Variants in NRXN3 observed in about 807,000 individuals in gnomAD.
NRXN3 encodes the protein neurexin III.
NRXN3 carries 32 observed loss-of-function variants against 137.6 expected under a neutral mutation model. That is an observed-to-expected ratio of 0.23 (90% confidence interval 0.18 to 0.31). The LOEUF (loss-of-function observed/expected upper bound fraction) is 0.31. NRXN3 is among the 10% of genes least tolerant of loss of function. The pLI is 1.00. For missense variants in NRXN3, 1,574 were observed against 2,062.5 expected (o/e 0.76, Z 4.59); for synonymous variants, 798 against 784.5 (o/e 1.02, Z -0.29).
At chr14:78,226,390 T>A (rs2064674183) in intron 1 of NRXN3, among the ~76,000 whole-genome samples, 1 of 152,152 alleles carries the variant, frequency 6.6e-6, no homozygotes. Flanking sequence ...ACCGCTTAAC[T>A]CCCTCTTGTC....
chr14:79,225,633 CT>C (rs2070721063), intron 15 of NRXN3, among the ~76,000 whole-genome samples: 2 of 152,180 alleles, frequency 1.3e-5, no homozygotes, highest in South Asian at 4.2e-4. Context: ...TTTTTACCCC[CT>C]GAAAGACATC....
At chr14:79,019,243 A>G (rs2099584737) in intron 15 of NRXN3, among the ~76,000 whole-genome samples, 1 of 152,206 alleles carries the variant, frequency 6.6e-6, no homozygotes. Context: ...AGATGAGGAT[A>G]TGCATAGAAG....
At chr14:78,267,537 T>TA (rs940281178) in intron 2 of NRXN3, among the ~76,000 whole-genome samples, 147 of 151,518 alleles carry the variant, frequency 9.7e-4, no homozygotes, top group Admixed American at 1.3e-3. Flanking sequence ...TACCAAAAGA[T>TA]AAAAAAAAAT....
intron 20 of NRXN3, among the ~76,000 whole-genome samples, chr14:79,833,125 A>G (rs2141284510): frequency 6.6e-6 from 1 of 152,280 alleles, no homozygotes; most frequent in South Asian, 2.1e-4. Context: ...CTGAAATGAT[A>G]AGTTGTTTGG....
intron 15 of NRXN3, among the ~76,000 whole-genome samples, chr14:79,303,572 C>G (rs570100546): frequency 6.6e-6 from 1 of 152,150 alleles, no homozygotes; most frequent in Admixed American, 6.5e-5. Context: ...ATGTCAAAGA[C>G]TGAAGTGAAA....
intron 15 of NRXN3, among the ~76,000 whole-genome samples, chr14:79,364,133 T>C (rs1211479592): frequency 6.6e-6 from 1 of 152,240 alleles, no homozygotes; most frequent in Non-Finnish European, 1.5e-5. Context: ...TTCAACAGTC[T>C]TTCATTTGTT....
chr14:79,766,034 T>C (rs1347850870), intron 19 of NRXN3, among the ~76,000 whole-genome samples: 2 of 152,200 alleles, frequency 1.3e-5, no homozygotes, highest in Non-Finnish European at 2.9e-5. Context: ...TTTTTTAACA[T>C]ATAGCATACC....
intron 14 of NRXN3, among the ~76,000 whole-genome samples, chr14:78,979,820 C>T (rs1367341259): frequency 6.6e-6 from 1 of 152,094 alleles, no homozygotes; most frequent in Non-Finnish European, 1.5e-5. Context: ...TGTAGGGGAA[C>T]TCCCCTTTAT....
intron 15 of NRXN3, among the ~76,000 whole-genome samples, chr14:79,324,604 A>T (rs2090571381): frequency 6.6e-6 from 1 of 152,204 alleles, no homozygotes; most frequent in Non-Finnish European, 1.5e-5. Context: ...GTCTGAAAGA[A>T]CCAGGGATGC....
rs2096441042 is a variant in NRXN3 at position 79,467,340 on chromosome 14, G to A, written c.3382G>A (p.Asp1128Asn). 2 of 1,613,528 alleles carry A rather than the reference G, an allele frequency of 1.2e-6. No individual in the cohort carries two copies. Among genetic ancestry groups the A allele is most frequent in the East Asian group, 4.5e-5 (2 of 44,874 alleles). Residue 1128 changes from aspartate to asparagine, a missense_variant, in exon 16 of 21, where the codon GAT (aspartate) becomes AAT (asparagine). Asp to Asn is a conservative substitution (Grantham distance 23). Coordinates refer to ENST00000335750, the MANE Select transcript of NRXN3 (RefSeq NM_001330195.2). ...CGTGGGCTTCAGCACCACTGTGAAG[G>A]ATGGCATCTTGGTCCGCATCGACAG... ...LAVGFSTTVK[D>N]GILVRIDSAP...
At chr14:78,794,544 A>G (rs1276815731) in intron 8 of NRXN3, among the ~76,000 whole-genome samples, 1 of 152,070 alleles carries the variant, frequency 6.6e-6, no homozygotes, top group African/African-American at 2.4e-5. Context: ...GTGTAATATT[A>G]AAGTTTAGTT....
intron 4 of NRXN3, among the ~76,000 whole-genome samples, chr14:78,546,803 C>G (rs1428347464): frequency 6.6e-6 from 1 of 152,138 alleles, no homozygotes; most frequent in Admixed American, 6.6e-5. Context: ...TTGGCCTTGT[C>G]CCTCACAACT....
At chr14:78,264,237 T>C (rs2071305916) in intron 2 of NRXN3, among the ~76,000 whole-genome samples, 1 of 152,166 alleles carries the variant, frequency 6.6e-6, no homozygotes, top group East Asian at 1.9e-4. Context: ...TGGGATGAGC[T>C]TGACGTTGTG....
intron 4 of NRXN3, among the ~76,000 whole-genome samples, chr14:78,448,390 G>A (rs1294498175): frequency 2.0e-5 from 3 of 152,196 alleles, no homozygotes; most frequent in Non-Finnish European, 4.4e-5. Flanking sequence ...GACTCAATAG[G>A]TCATGGGTAC....
At chr14:79,478,279 G>A (rs993031241) in intron 16 of NRXN3, among the ~76,000 whole-genome samples, 1 of 151,526 alleles carries the variant, frequency 6.6e-6, no homozygotes, top group African/African-American at 2.4e-5. Context: ...GGAAAGGCTA[G>A]AGGGTAGGGG....
At chr14:78,688,916 A>G (rs142049645) in intron 6 of NRXN3, among the ~76,000 whole-genome samples, 1 of 152,134 alleles carries the variant, frequency 6.6e-6, no homozygotes, top group East Asian at 1.9e-4. Flanking sequence ...TGTCCTAGAA[A>G]TCAAGGAAAG....
chr14:78,215,042 A>C (rs1406352373), intron 1 of NRXN3, among the ~76,000 whole-genome samples: 2 of 152,170 alleles, frequency 1.3e-5, no homozygotes, highest in Admixed American at 6.5e-5. Flanking sequence ...AAATGAGATA[A>C]TATGTGAAAG....
At chr14:79,698,417 C>A (rs1042312594) in intron 19 of NRXN3, among the ~76,000 whole-genome samples, 2 of 151,938 alleles carry the variant, frequency 1.3e-5, no homozygotes, top group African/African-American at 4.8e-5. Context: ...GTTAGAAGTG[C>A]AACTACTCCT....
intron 10 of NRXN3, among the ~76,000 whole-genome samples, chr14:78,843,982 A>G (rs2099019791): frequency 6.6e-6 from 1 of 152,070 alleles, no homozygotes; most frequent in Non-Finnish European, 1.5e-5. Flanking sequence ...CAAGCAAATT[A>G]CCACCAACCT....
Sources: allele counts gnomAD v4.1 joint callset (sites outside exome capture counted in the v4.1 genomes callset), GRCh38; gene constraint gnomAD v4.1.1; transcripts MANE v1.5; gene names NCBI Gene and HGNC (gene_info 2026-07-23, HGNC 2026-07-21).